DNAAF9: variants seen among roughly 807,000 people sequenced by gnomAD.
The protein encoded by DNAAF9 is dynein axonemal assembly factor 9.
In DNAAF9, 90 loss-of-function variants were observed where a neutral mutation model predicts 167.0. The ratio of observed to expected loss-of-function variants is 0.54; its 90% CI spans 0.45 to 0.64. DNAAF9 has a LOEUF of 0.64. Ranked by LOEUF, DNAAF9 falls within the 30% of genes least tolerant of loss-of-function variation. The probability of loss-of-function intolerance (pLI) is 0.00; values close to 1 mark genes in which losing one functional copy is unlikely to be tolerated. For missense variants in DNAAF9, 1,315 were observed against 1,442.2 expected (o/e 0.91, Z 1.43); for synonymous variants, 491 against 508.8 (o/e 0.96, Z 0.47).
rs35343752 is a variant in DNAAF9, at chr20:3,341,303, TC to T, written c.846-665del. Among the ~76,000 whole-genome samples, 500 of 151,502 alleles carry T rather than the reference TC, an allele frequency of 3.3e-3. 9 individuals carry two copies. Among genetic ancestry groups the T allele is most frequent in the Admixed American group, 0.027 (405 of 15,206 alleles). On this transcript the variant is annotated intron_variant, in intron 9 of 36. Coordinates refer to ENST00000252032, the MANE Select transcript of DNAAF9 (RefSeq NM_001009984.3). ...AATCCAACAGATAGTCTTCAGGTCT[TC>T]CTTCCTTCCTTGGTCTCTGAGAAGC... is the stretch of plus-strand genomic sequence containing the variant.
intron 1 of DNAAF9, among the ~76,000 whole-genome samples, chr20:3,399,455 G>A (rs2083954224): frequency 6.6e-6 from 1 of 151,984 alleles, no homozygotes; most frequent in African/African-American, 2.4e-5. Flanking sequence ...CGATCCGCCC[G>A]CCTCGGCCTC....
intron 1 of DNAAF9, among the ~76,000 whole-genome samples, chr20:3,393,286 T>G (rs1288573136): frequency 6.6e-6 from 1 of 152,132 alleles, no homozygotes; most frequent in Non-Finnish European, 1.5e-5. Flanking sequence ...CAAGTGATTC[T>G]CCTGCCTCTT....
intron 1 of DNAAF9, among the ~76,000 whole-genome samples, chr20:3,390,342 T>C (rs532285541): frequency 1.3e-5 from 2 of 151,358 alleles, no homozygotes; most frequent in Non-Finnish European, 2.9e-5. Context: ...CTGGTGGGTA[T>C]AGCAAATATT....
chr20:3,394,949 CTTTTTTTTTTTTTTTTTTTTTT>C (rs10522445), intron 1 of DNAAF9, among the ~76,000 whole-genome samples: 13 of 102,126 alleles, frequency 1.3e-4, no homozygotes, highest in South Asian at 5.8e-4. Flanking sequence ...TTTCTTTTTT[CTTTTTTTTTTTTTTTTTTTTTT>C]TTTTTTTTTT....
intron 10 of DNAAF9, among the ~76,000 whole-genome samples, chr20:3,335,967 A>G (rs1168656471): frequency 6.6e-6 from 1 of 151,914 alleles, no homozygotes; most frequent in Non-Finnish European, 1.5e-5. Context: ...TACTAAAAAT[A>G]CAAAAATTAG....
chr20:3,381,317 A>C, intron 3 of DNAAF9, 62 bp downstream of exon 3: 4 of 1,267,942 alleles, frequency 3.2e-6, no homozygotes, highest in Non-Finnish European at 3.3e-6. Flanking sequence ...CCATAAAATA[A>C]GGATCCAAAT....
chr20:3,340,938 A>G (rs2070072284), intron 9 of DNAAF9, among the ~76,000 whole-genome samples: 1 of 152,152 alleles, frequency 6.6e-6, no homozygotes, highest in African/African-American at 2.4e-5. Flanking sequence ...TCCATGATAC[A>G]GTGATAGAGC....
intron 15 of DNAAF9, 109 bp downstream of exon 15, chr20:3,322,543 C>A: frequency 1.1e-6 from 1 of 894,752 alleles, no homozygotes; most frequent in South Asian, 1.3e-5. Context: ...GGAGTGATGT[C>A]ACTGCTAGGT....
chr20:3,305,748 G>T (rs1365318487), intron 20 of DNAAF9, among the ~76,000 whole-genome samples: 1 of 152,134 alleles, frequency 6.6e-6, no homozygotes, highest in Non-Finnish European at 1.5e-5. Flanking sequence ...TTAGGTACAA[G>T]AAGAAGAACT....
At chr20:3,350,148 G>GACAC (rs1324124710) in intron 7 of DNAAF9, among the ~76,000 whole-genome samples, 143 of 68,992 alleles carry the variant, frequency 2.1e-3, no homozygotes, top group African/African-American at 6.4e-3. Context: ...CAGACACACA[G>GACAC]ACACACAGAC....
intron 3 of DNAAF9, among the ~76,000 whole-genome samples, chr20:3,376,842 A>T (rs1209552477): frequency 6.6e-6 from 1 of 152,172 alleles, no homozygotes; most frequent in Non-Finnish European, 1.5e-5. Flanking sequence ...AGGCGGATGG[A>T]TCACGAGGTC....
chr20:3,298,131 G>A lies in DNAAF9; in HGVS notation c.1827C>T (p.Ser609=). 6.2e-7 allele frequency: 1 copy of A among 1,613,482 alleles called. No individual in the cohort carries two copies. Among genetic ancestry groups the A allele is most frequent in the Non-Finnish European group, 8.5e-7 (1 of 1,179,388 alleles). ...GAACTGGGAGGTGAGGAAGCAATGAGCTTTTGAAGTCTATGAGAAGAGCAG... is the reference window on the plus strand; with the variant it reads ...GAACTGGGAGGTGAGGAAGCAATGAACTTTTGAAGTCTATGAGAAGAGCAG... ...TVAALLIDFK[S]SLLPHLPVHF... Residue 609 remains serine, a synonymous_variant, in exon 22 of 37, where the codon AGC becomes AGT. Transcript: ENST00000252032.
chr20:3,403,469 C>T (rs2084016035), intron 1 of DNAAF9, among the ~76,000 whole-genome samples: 1 of 150,570 alleles, frequency 6.6e-6, no homozygotes, highest in African/African-American at 2.5e-5. Context: ...CATTTGGGTT[C>T]ACATAATCTG....
At chr20:3,292,772 G>GAA (rs35198247) in intron 25 of DNAAF9, among the ~76,000 whole-genome samples, 1 of 113,690 alleles carries the variant, frequency 8.8e-6, no homozygotes, top group Non-Finnish European at 1.9e-5. Flanking sequence ...TTTCAAAAAA[G>GAA]AAAAAAAAAA....
At chr20:3,373,682 G>A (rs2032362104) in intron 6 of DNAAF9, among the ~76,000 whole-genome samples, 3 of 152,140 alleles carry the variant, frequency 2.0e-5, no homozygotes, top group African/African-American at 7.2e-5. Context: ...CCAGTACAAA[G>A]ACCAGGGTGG....
rs1198159904 is a variant in DNAAF9 at position 3,251,138 on chromosome 20, A to ATTT, written c.*1433_*1434insAAA. ...TGGAGTTTTGTTCATTTGGCTTCAA[A>ATTT]TTGTTTTTTTTTTTTTTCTAATATA... On this transcript the variant is annotated 3_prime_UTR_variant, in exon 37 of 37. Transcript: ENST00000252032. The ATTT allele has an allele frequency of 6.7e-6, 1 of 150,350 alleles. No individual in the cohort carries two copies. Among genetic ancestry groups the ATTT allele is most frequent in the African/African-American group, 2.4e-5 (1 of 40,854 alleles). 9.3% of individuals were successfully genotyped at this position (150,350 alleles called of 1,614,324 possible).
At chr20:3,305,533 A>T (rs1490798076) in intron 20 of DNAAF9, among the ~76,000 whole-genome samples, 1 of 152,220 alleles carries the variant, frequency 6.6e-6, no homozygotes, top group African/African-American at 2.4e-5. Context: ...AGCTCCAGAA[A>T]AGCAGTGCAA....
At chr20:3,282,733 C>A (rs1210479217) in intron 27 of DNAAF9, among the ~76,000 whole-genome samples, 1 of 152,148 alleles carries the variant, frequency 6.6e-6, no homozygotes, top group Non-Finnish European at 1.5e-5. Flanking sequence ...TCTGAACATG[C>A]CAGGCATACT....
In DNAAF9 at chr20:3,317,994, T is replaced by C. The variant is rs143058933; in HGVS notation, c.1468+295A>G. ...GTTTTCCACGTCTGTGAAGTGCCTG[T>C]TCATTTTTTTTGCTCATTTTACTAT... On this transcript the variant is annotated intron_variant, in intron 17 of 36. Transcript: ENST00000252032. Among the ~76,000 whole-genome samples, 25 of 152,316 alleles carry C rather than the reference T, an allele frequency of 1.6e-4. No homozygotes were observed. In the East Asian group the frequency reaches 4.6e-3, roughly 28 times the overall value.
Sources: allele counts gnomAD v4.1 joint callset (sites outside exome capture counted in the v4.1 genomes callset), GRCh38; gene constraint gnomAD v4.1.1; transcripts MANE v1.5; gene names NCBI Gene and HGNC (gene_info 2026-07-23, HGNC 2026-07-21).